The following PAK2 variants were observed in gnomAD, a reference collection of about 807,000 sequenced individuals.
PAK2 encodes serine/threonine-protein kinase PAK 2.
Under a neutral mutation model 65.9 loss-of-function variants are expected in PAK2, and 21 were observed. That is an observed-to-expected ratio of 0.32 (90% CI 0.23 to 0.46). The LOEUF is 0.46. Ranked by LOEUF, PAK2 falls within the 20% of genes least tolerant of loss-of-function variation. PAK2 has a pLI of 1.00. For synonymous variants in PAK2, 204 were observed against 219.7 expected, an observed-to-expected ratio of 0.93 and a Z score of 0.63; for missense variants, 324 against 642.6, an observed-to-expected ratio of 0.50 and a Z score of 5.36.
chr3:196,763,445 A>C (rs1337294493), intron 1 of PAK2, among the ~76,000 whole-genome samples: 1 of 152,136 alleles, frequency 6.6e-6, no homozygotes, highest in African/African-American at 2.4e-5. Flanking sequence ...GACAAAGCTT[A>C]GCATCGTGTC....
At chr3:196,815,956 A>G (rs1716015285) in intron 11 of PAK2, among the ~76,000 whole-genome samples, 1 of 152,166 alleles carries the variant, frequency 6.6e-6, no homozygotes, top group African/African-American at 2.4e-5. Flanking sequence ...ATGAATTTCT[A>G]GACATATTAT....
chr3:196,740,404 A>C (rs1713149355), intron 1 of PAK2, among the ~76,000 whole-genome samples: 1 of 150,500 alleles, frequency 6.6e-6, no homozygotes, highest in Non-Finnish European at 1.5e-5. Flanking sequence ...CGGAGGTCTG[A>C]CTCTTCCTGG....
Position 196,812,202 on chromosome 3 carries a change from G to C in PAK2, c.774-17G>C, listed in dbSNP as rs375918733. The C allele has an allele frequency of 1.5e-5, 23 of 1,485,368 alleles. No individual in the cohort carries two copies. The African/African-American group carries it at 2.5e-4, about 16-fold the overall frequency. 92.0% of individuals were successfully genotyped at this position (1,485,368 alleles called of 1,614,324 possible). On this transcript the variant is annotated splice_polypyrimidine_tract_variant and intron_variant, in intron 8 of 14. Coordinates refer to ENST00000327134, the MANE Select transcript of PAK2 (RefSeq NM_002577.4). ...ATTTATCAACCTTAAATCTGGTTGT[G>C]TGTTTTCTCCCTCTAGGGCTTCTGG...
chr3:196,796,493 G>A (rs979926003), intron 2 of PAK2, among the ~76,000 whole-genome samples: 3 of 152,116 alleles, frequency 2.0e-5, no homozygotes, highest in Non-Finnish European at 2.9e-5. Flanking sequence ...TGATAAAAAT[G>A]TTCTAAAGTT....
rs1560122754 is a variant in PAK2, at chr3:196,829,827, A to C, written c.*1422A>C. On this transcript the variant is annotated 3_prime_UTR_variant, in exon 15 of 15. Transcript: ENST00000327134. Reference sequence around the variant, plus strand: ...TGAAATGTGCGTGTTGATAGCAATAATTTGTTTCTTTTAAAGATTCTAAAA... The same window carrying C: ...TGAAATGTGCGTGTTGATAGCAATACTTTGTTTCTTTTAAAGATTCTAAAA... 6.6e-6 allele frequency: 1 copy of C among 152,172 alleles called. No individual in the cohort carries two copies. The highest frequency in any genetic ancestry group is 1.5e-5 in the Non-Finnish European group (1 of 68,022). 9.4% of individuals were successfully genotyped at this position (152,172 alleles called of 1,614,324 possible). A position where few individuals can be genotyped will look rare whatever the true frequency, so the allele number is the denominator to read the frequency against.
chr3:196,796,064 G>T (rs1715250579), intron 2 of PAK2, among the ~76,000 whole-genome samples: 1 of 152,240 alleles, frequency 6.6e-6, no homozygotes, highest in African/African-American at 2.4e-5. Context: ...GTCCAACGCG[G>T]CTGCTGATCT....
rs566326645 is a variant in PAK2, at chr3:196,749,326, G to A, written c.-22+9169G>A. Among the ~76,000 whole-genome samples the A allele has an allele frequency of 3.2e-4, 49 of 151,968 alleles. No homozygotes were observed. In the Middle Eastern group the frequency reaches 0.014, roughly 42 times the overall value. On this transcript the variant is annotated intron_variant, in intron 1 of 14. Transcript: ENST00000327134. ...TCATTTTTTGAGGAACTACCGTATTGCTTTCCACAGCGCCTGTATCACTTC... is the reference window on the plus strand; with the variant it reads ...TCATTTTTTGAGGAACTACCGTATTACTTTCCACAGCGCCTGTATCACTTC...
At position 196,803,014 on chromosome 3, in the gene PAK2, T is replaced by A. The variant is rs147476390; in HGVS notation, c.289-3T>A. The A allele has an allele frequency of 7.6e-4, 1,185 of 1,549,238 alleles. 4 individuals are homozygous for A. Among genetic ancestry groups the A allele is most frequent in the East Asian group, 3.7e-3 (154 of 41,996 alleles). On this transcript the variant is annotated splice_region_variant and splice_polypyrimidine_tract_variant and intron_variant, in intron 3 of 14. Coordinates refer to ENST00000327134, the MANE Select transcript of PAK2 (RefSeq NM_002577.4). The stretch of plus-strand genomic sequence containing the variant: ...AACTAATTTCTGAATATCTTCTTGT[T>A]AGGGCATGCCAGAACAGTGGGCTCG...
rs1055064944 is a variant in PAK2, at chr3:196,803,009, C to G, written c.289-8C>G. ...ACCATAACTAATTTCTGAATATCTT[C>G]TTGTTAGGGCATGCCAGAACAGTGG... On this transcript the variant is annotated splice_region_variant and splice_polypyrimidine_tract_variant and intron_variant, in intron 3 of 14. Transcript: ENST00000327134. 2.0e-6 allele frequency: 3 copies of G among 1,537,778 alleles called. No homozygotes were observed. Among genetic ancestry groups the G allele is most frequent in the Non-Finnish European group, 2.6e-6 (3 of 1,145,962 alleles).
At chr3:196,782,360 A>G (rs185336323) in intron 1 of PAK2, among the ~76,000 whole-genome samples, 37 of 151,854 alleles carry the variant, frequency 2.4e-4, no homozygotes, top group African/African-American at 8.2e-4. Flanking sequence ...CTTAGAATCC[A>G]TTGATTAGAC....
chr3:196,755,163 A>C (rs1478196654), intron 1 of PAK2, among the ~76,000 whole-genome samples: 1 of 152,222 alleles, frequency 6.6e-6, no homozygotes, highest in Admixed American at 6.5e-5. Context: ...TTACTAGAGT[A>C]AACCTGTTCC....
chr3:196,820,619 A>G lies in PAK2; in HGVS notation c.1350+52A>G, dbSNP rs560841158. Reference sequence around the variant, plus strand: ...TTCAATGTTTTTCTTTGAAACTCTTATTTAGAACTTGCACGTGCCTGGCAC... The same window carrying G: ...TTCAATGTTTTTCTTTGAAACTCTTGTTTAGAACTTGCACGTGCCTGGCAC... On this transcript the variant is annotated intron_variant, in intron 13 of 14. Transcript: ENST00000327134. This position sits in a 1 kb window ranked among gnomAD's most constrained non-coding sequence, Gnocchi z 4.6. 88 of 1,058,476 alleles carry G rather than the reference A, an allele frequency of 8.3e-5. No homozygotes were observed. The highest frequency in any genetic ancestry group is 1.2e-4 in the Non-Finnish European group (87 of 733,736). 65.6% of individuals were successfully genotyped at this position (1,058,476 alleles called of 1,614,324 possible).
At position 196,756,228 on chromosome 3, in the gene PAK2, A is replaced by G. The variant is rs189983508; in HGVS notation, c.-22+16071A>G. On this transcript the variant is annotated intron_variant, in intron 1 of 14. Coordinates refer to ENST00000327134, the MANE Select transcript of PAK2 (RefSeq NM_002577.4). ...GTGAAAGCCAAGGGGAAGAAGAAAA[A>G]GAGAAAAAAGGGTCACATTTGAATT... Among the ~76,000 whole-genome samples the G allele has an allele frequency of 2.0e-5, 3 of 152,278 alleles. No homozygotes were observed. In the East Asian group the frequency reaches 5.8e-4, roughly 29 times the overall value.
At chr3:196,771,159 A>G (rs1252261913) in intron 1 of PAK2, among the ~76,000 whole-genome samples, 1 of 152,082 alleles carries the variant, frequency 6.6e-6, no homozygotes, top group Non-Finnish European at 1.5e-5. Flanking sequence ...ATTCTTAAAA[A>G]ATAGTTTTGT....
At chr3:196,782,250 A>C (rs906297682) in intron 1 of PAK2, among the ~76,000 whole-genome samples, 1 of 151,970 alleles carries the variant, frequency 6.6e-6, no homozygotes, top group East Asian at 1.9e-4. Context: ...CACCTCCCCA[A>C]GATATCCTAT....
intron 1 of PAK2, among the ~76,000 whole-genome samples, chr3:196,745,091 G>T (rs1314302847): frequency 2.0e-5 from 3 of 149,526 alleles, no homozygotes; most frequent in South Asian, 2.1e-4. Flanking sequence ...TTTTCTTCTG[G>T]TACTTTTAAT....
intron 1 of PAK2, among the ~76,000 whole-genome samples, chr3:196,750,441 C>T (rs1713535958): frequency 6.6e-6 from 1 of 151,996 alleles, no homozygotes; most frequent in Non-Finnish European, 1.5e-5. Flanking sequence ...TGTTTTGATT[C>T]AGTATTATTT....
At position 196,818,666 on chromosome 3, in the gene PAK2, A is replaced by G. The variant is rs147016800; in HGVS notation, c.1153+510A>G. ...CAGGCGTGAGCCACCGCGGCTGGCC[A>G]TGATTGCTTATTTTTAAGTAATCTT... On this transcript the variant is annotated intron_variant, in intron 12 of 14. Coordinates refer to ENST00000327134, the MANE Select transcript of PAK2 (RefSeq NM_002577.4). Among the ~76,000 whole-genome samples the G allele has an allele frequency of 3.0e-3, 464 of 152,242 alleles. 7 individuals carry two copies. The East Asian group carries it at 0.037, about 12-fold the overall frequency.
chr3:196,746,488 G>A (rs1254142103), intron 1 of PAK2, among the ~76,000 whole-genome samples: 1 of 152,116 alleles, frequency 6.6e-6, no homozygotes, highest in Admixed American at 6.5e-5. Context: ...TTTATTGAAA[G>A]GTTAGAGGAG....
Sources: gnomAD v4.1 joint callset for allele counts (sites outside exome capture counted in the v4.1 genomes callset) on GRCh38, gnomAD v4.1.1 for gene constraint, Gnocchi (gnomAD v3.1) non-coding constraint, MANE v1.5 for transcripts, NCBI Gene and HGNC (gene_info 2026-07-23, HGNC 2026-07-21) for gene names.